The following FGFR1 variants were observed in gnomAD, a reference collection of about 807,000 sequenced individuals.
FGFR1 encodes FGFR1/PLAG1 fusion.
A neutral mutation model predicts 93.7 loss-of-function variants in FGFR1; 18 were observed. That is an observed-to-expected ratio of 0.19 (90% CI 0.13 to 0.28). FGFR1 has a LOEUF of 0.28. Ranked by LOEUF, FGFR1 falls within the 10% of genes least tolerant of loss-of-function variation. The pLI, the probability that FGFR1 is intolerant of heterozygous loss-of-function variation, is 1.00. For missense variants in FGFR1, 731 were observed against 1,080.4 expected, an observed-to-expected ratio of 0.68 and a Z score of 4.53; for synonymous variants, 448 against 429.3, an observed-to-expected ratio of 1.04 and a Z score of -0.54.
In FGFR1 at chr8:38,468,217, G is replaced by T; in HGVS notation, c.-325C>A. On this transcript the variant is annotated 5_prime_UTR_variant, in exon 1 of 18. Transcript: ENST00000447712. ...GCCCCGGAGGCGGGGCGGGGGGAGG[G>T]CTCCCGTCCGCCACCCGGGGTCTCC... The T allele has an allele frequency of 4.4e-6, 1 of 228,524 alleles. No homozygotes were observed. Among genetic ancestry groups the T allele is most frequent in the Non-Finnish European group, 8.7e-6 (1 of 114,828 alleles). 14.2% of individuals were successfully genotyped at this position (228,524 alleles called of 1,614,324 possible).
At chr8:38,414,098 C>G (rs1815403388) in intron 16 of FGFR1, 54 bp downstream of exon 16, 1 of 1,614,108 alleles carries the variant, frequency 6.2e-7, no homozygotes, top group Non-Finnish European at 8.5e-7. Context: ...GCCCCTCAAG[C>G]CCACTCTTGC....
At chr8:38,435,996 T>C (rs1178023504) in intron 2 of FGFR1, among the ~76,000 whole-genome samples, 1 of 152,202 alleles carries the variant, frequency 6.6e-6, no homozygotes, top group Non-Finnish European at 1.5e-5. Context: ...GGAGGGCATC[T>C]GGTATCTGGA....
chr8:38,465,075 A>G (rs1464274905), intron 1 of FGFR1, among the ~76,000 whole-genome samples: 2 of 152,190 alleles, frequency 1.3e-5, no homozygotes, highest in Non-Finnish European at 2.9e-5. Flanking sequence ...TCTGGAGTCC[A>G]CCAGGAATAA....
Position 38,426,258 on chromosome 8 carries a change from G to A in FGFR1, c.622-13C>T, listed in dbSNP as rs536164019. On this transcript the variant is annotated splice_polypyrimidine_tract_variant and intron_variant, in intron 5 of 17. Transcript: ENST00000447712. The surrounding 1 kb of genome is among the most constrained non-coding windows in gnomAD (Gnocchi z 4.1). The stretch of plus-strand genomic sequence containing the variant: ...TGGCATAACGGACCTGAGGGGAAAT[G>A]CCAAAGGGATACATTGAGGGTCCAG... 3 of 1,613,832 alleles carry A rather than the reference G, an allele frequency of 1.9e-6. No individual in the cohort carries two copies. The highest frequency in any genetic ancestry group is 2.5e-6 in the Non-Finnish European group (3 of 1,179,976).
chr8:38,459,829 G>A (rs1230716841), intron 1 of FGFR1, among the ~76,000 whole-genome samples: 2 of 152,138 alleles, frequency 1.3e-5, no homozygotes, highest in Non-Finnish European at 2.9e-5. Flanking sequence ...AGTAGATAAG[G>A]GTAAATCCAA....
intron 1 of FGFR1, chr8:38,458,950 A>AG (rs760501067): frequency 8.7e-5 from 19 of 218,874 alleles, no homozygotes; most frequent in Non-Finnish European, 1.6e-4. Flanking sequence ...GCGGGGGGCA[A>AG]GGGGGCCTGG....
rs896378105 is a variant in FGFR1, at chr8:38,413,880, G to A, written c.2292+38C>T. On this transcript the variant is annotated intron_variant, in intron 17 of 17. Coordinates refer to ENST00000447712, the MANE Select transcript of FGFR1 (RefSeq NM_023110.3). The surrounding 1 kb of genome is among the most constrained non-coding windows in gnomAD (Gnocchi z 4.2). ...CAGGGAGGTGCGTGCACGCAGTGGG[G>A]ACGGCCTGAGCTCTGGCTCTGGCAC... The A allele has an allele frequency of 4.3e-6, 7 of 1,613,256 alleles. No individual in the cohort carries two copies. The highest frequency in any genetic ancestry group is 5.9e-6 in the Non-Finnish European group (7 of 1,179,398).
At chr8:38,422,949 G>A (rs1407128134) in intron 7 of FGFR1, 8 of 748,534 alleles carry the variant, frequency 1.1e-5, no homozygotes, top group African/African-American at 1.0e-4. Flanking sequence ...GTCCAGTACT[G>A]GCTTCCCCGC....
chr8:38,442,271 TA>T (rs748289735), intron 2 of FGFR1, among the ~76,000 whole-genome samples: 16 of 152,142 alleles, frequency 1.1e-4, no homozygotes, highest in Non-Finnish European at 1.5e-4. Context: ...TATTATAATA[TA>T]AATCACATCC....
chr8:38,457,552 A>G lies in FGFR1; in HGVS notation c.-88-18T>C, dbSNP rs1033144873. ...AACTGACCCTGAGGAAAGGAAAAAA[A>G]CCCCAAAAGTTAGGAGGGTCTAGGT... is the stretch of plus-strand genomic sequence containing the variant. On this transcript the variant is annotated intron_variant, in intron 1 of 17. Coordinates refer to ENST00000447712, the MANE Select transcript of FGFR1 (RefSeq NM_023110.3). The G allele has an allele frequency of 3.8e-6, 6 of 1,560,950 alleles. No homozygotes were observed. The highest frequency in any genetic ancestry group is 4.3e-6 in the Non-Finnish European group (5 of 1,155,356).
chr8:38,436,995 G>A (rs570232829), intron 2 of FGFR1, among the ~76,000 whole-genome samples: 1 of 152,262 alleles, frequency 6.6e-6, no homozygotes, highest in South Asian at 2.1e-4. Flanking sequence ...TGATTCTCGT[G>A]CCTCAGTCCC....
At chr8:38,417,503 T>G in intron 11 of FGFR1, 87 bp from the exon 12 acceptor site, 1 of 1,115,658 alleles carries the variant, frequency 9.0e-7, no homozygotes, top group Non-Finnish European at 1.3e-6. Flanking sequence ...GTCGAGGGGC[T>G]GCTTTTCCCT....
intron 1 of FGFR1, among the ~76,000 whole-genome samples, chr8:38,458,149 G>T (rs902020602): frequency 4.6e-5 from 7 of 152,286 alleles, no homozygotes; most frequent in Middle Eastern, 3.4e-3. Context: ...TCTCATGAAA[G>T]TCCCAAATAG....
intron 2 of FGFR1, among the ~76,000 whole-genome samples, chr8:38,439,749 C>T (rs746942791): frequency 6.6e-6 from 1 of 152,156 alleles, no homozygotes; most frequent in Non-Finnish European, 1.5e-5. Context: ...CAATCATCTC[C>T]ATCACTTTCC....
chr8:38,432,362 C>T (rs1823459263), intron 2 of FGFR1, among the ~76,000 whole-genome samples: 1 of 152,056 alleles, frequency 6.6e-6, no homozygotes, highest in Admixed American at 6.6e-5. Context: ...CCAAACGTGG[C>T]TCAGGTATGC....
At chr8:38,458,559 A>T (rs969179600) in intron 1 of FGFR1, among the ~76,000 whole-genome samples, 1 of 152,062 alleles carries the variant, frequency 6.6e-6, no homozygotes, top group Non-Finnish European at 1.5e-5. Context: ...TAAAAAAAAA[A>T]TTTTAAAAAG....
chr8:38,454,568 T>C (rs1423469409), intron 2 of FGFR1, among the ~76,000 whole-genome samples: 1 of 152,094 alleles, frequency 6.6e-6, no homozygotes, highest in Admixed American at 6.6e-5. Context: ...TCCTCTATCA[T>C]CTCCCAGTCC....
intron 2 of FGFR1, chr8:38,430,156 T>G (rs1386121956): frequency 2.4e-5 from 14 of 586,238 alleles, no homozygotes; most frequent in African/African-American, 3.7e-5. Flanking sequence ...GGAACCCCCA[T>G]CTCTTTTCCA....
intron 2 of FGFR1, among the ~76,000 whole-genome samples, chr8:38,437,337 T>C (rs1825796705): frequency 6.6e-6 from 1 of 152,004 alleles, no homozygotes; most frequent in Non-Finnish European, 1.5e-5. Flanking sequence ...GAGAAATGGG[T>C]GAAACAAAGG....
Sources: gnomAD v4.1 joint callset for allele counts (sites outside exome capture counted in the v4.1 genomes callset) on GRCh38, gnomAD v4.1.1 for gene constraint, Gnocchi (gnomAD v3.1) non-coding constraint, MANE v1.5 for transcripts, NCBI Gene and HGNC (gene_info 2026-07-23, HGNC 2026-07-21) for gene names.